The following ANKAR variants were observed in gnomAD, a reference collection of about 807,000 sequenced individuals.
ANKAR encodes ankyrin and armadillo repeat containing, also known as ankyrin and armadillo repeat-containing protein.
In ANKAR, 136 loss-of-function variants were observed where a neutral mutation model predicts 146.2. That is an observed-to-expected ratio of 0.93 (90% CI 0.81 to 1.07). The LOEUF is 1.07. Ranked by LOEUF, ANKAR falls within the 50% of genes least tolerant of loss-of-function variation. The probability of loss-of-function intolerance (pLI) is 0.00; values close to 1 mark genes in which losing one functional copy is unlikely to be tolerated. For synonymous variants in ANKAR, 500 were observed against 575.8 expected (o/e 0.87, Z 1.88); for missense variants, 1,567 against 1,679.9 (o/e 0.93, Z 1.18).
chr2:189,754,120 C>T (rs2045710245), intron 18 of ANKAR: 7 of 1,612,200 alleles, frequency 4.3e-6, no homozygotes, highest in Non-Finnish European at 5.9e-6. Context: ...ATCTGTTCAA[C>T]TTTACTAATT....
At chr2:189,713,477 G>T (rs2039987273) in intron 10 of ANKAR, among the ~76,000 whole-genome samples, 1 of 152,136 alleles carries the variant, frequency 6.6e-6, no homozygotes, top group South Asian at 2.1e-4. Flanking sequence ...CATTCTTAAA[G>T]AATTTTCAAC....
rs1439452129 is a variant in ANKAR at position 189,737,665 on chromosome 2, T to A, written c.3424-18T>A. The A allele has an allele frequency of 3.2e-6, 5 of 1,576,592 alleles. No individual in the cohort carries two copies. The highest frequency in any genetic ancestry group is 4.3e-6 in the Non-Finnish European group (5 of 1,169,554). Reference sequence around the variant, plus strand: ...GATAAATGAAGTTCACCATAATGCCTGTTTCTCCTATTTTTAGGATATTTG... The same window carrying A: ...GATAAATGAAGTTCACCATAATGCCAGTTTCTCCTATTTTTAGGATATTTG... On this transcript the variant is annotated intron_variant, in intron 17 of 22. Transcript: ENST00000684021.
chr2:189,721,676 C>A (rs1240027209), intron 12 of ANKAR, among the ~76,000 whole-genome samples: 1 of 152,190 alleles, frequency 6.6e-6, no homozygotes, highest in Non-Finnish European at 1.5e-5. Flanking sequence ...AGAATAATTT[C>A]ATTCCAGTTA....
At chr2:189,745,025 T>TATGGTGAA in intron 22 of ANKAR, among the ~76,000 whole-genome samples, 1 of 130,690 alleles carries the variant, frequency 7.7e-6, no homozygotes, top group Non-Finnish European at 1.7e-5. Context: ...CTACTACTAC[T>TATGGTGAA]ACTAATAATA....
At chr2:189,745,034 T>TAATAATAATAATAATAAA (rs1553537068) in intron 22 of ANKAR, among the ~76,000 whole-genome samples, 1 of 150,716 alleles carries the variant, frequency 6.6e-6, no homozygotes, top group Non-Finnish European at 1.5e-5. Flanking sequence ...CTACTAATAA[T>TAATAATAATAATAATAAA]ACAAAAATTA....
At chr2:189,730,691 A>T in intron 16 of ANKAR, 90 bp downstream of exon 16, 1 of 569,260 alleles carries the variant, frequency 1.8e-6, no homozygotes, top group Non-Finnish European at 2.8e-6. Context: ...GTTCATAAAC[A>T]TAAAAATATT....
chr2:189,684,565 A>G (rs1319044138), intron 2 of ANKAR, among the ~76,000 whole-genome samples: 1 of 152,122 alleles, frequency 6.6e-6, no homozygotes, highest in Admixed American at 6.6e-5. Context: ...ATAGAATATA[A>G]GGGAATTGGT....
At chr2:189,724,173 T>A (rs894074573) in intron 12 of ANKAR, among the ~76,000 whole-genome samples, 1 of 152,166 alleles carries the variant, frequency 6.6e-6, no homozygotes, top group Admixed American at 6.5e-5. Context: ...AATTTCTACT[T>A]TTTGTACTGA....
rs189527311 is a variant in ANKAR, at chr2:189,726,905, A to G, written c.2636-951A>G. ...TGGATAGAAAAACCAATATGGCAATATATTAAAAATTTATAAATCCAGGTA... is the reference window on the plus strand; with the variant it reads ...TGGATAGAAAAACCAATATGGCAATGTATTAAAAATTTATAAATCCAGGTA... On this transcript the variant is annotated intron_variant, in intron 12 of 22. Transcript: ENST00000684021. Among the ~76,000 whole-genome samples the G allele has an allele frequency of 4.6e-3, 696 of 152,314 alleles. 4 individuals carry two copies. Among genetic ancestry groups the G allele is most frequent in the African/African-American group, 0.016 (653 of 41,582 alleles).
rs773662727 is a variant in ANKAR, at chr2:189,719,614, T to TA, written c.2271dup (p.Leu758ThrfsTer11). 1 of 1,613,422 alleles carries TA rather than the reference T, an allele frequency of 6.2e-7. No homozygotes were observed. The highest frequency in any genetic ancestry group is 1.1e-5 in the South Asian group (1 of 91,022). Reference sequence around the variant, plus strand: ...ATCAATCTATTAAAAAGTTCCAAAATAAAACTGCAGTGCAAAACTGTTGGG... The same window carrying TA: ...ATCAATCTATTAAAAAGTTCCAAAATAAAAACTGCAGTGCAAAACTGTTGGG... On this transcript the variant is annotated frameshift_variant, in exon 11 of 23. Coordinates refer to ENST00000684021, the MANE Select transcript of ANKAR (RefSeq NM_001378068.1). LOFTEE classifies it high-confidence loss of function.
In ANKAR at chr2:189,706,984, G is replaced by A; in HGVS notation, c.1957G>A (p.Asp653Asn). 6 of 1,613,474 alleles carry A rather than the reference G, an allele frequency of 3.7e-6. No homozygotes were observed. The highest frequency in any genetic ancestry group is 5.1e-6 in the Non-Finnish European group (6 of 1,179,710). Reference protein sequence around the residue: ...LLLAATSGALDTIQYLFSIGA... With the variant: ...LLLAATSGALNTIQYLFSIGA... ...ACTTGCTGCCACTTCAGGAGCACTG[G>A]ACACTATTCAATACCTGTTTTCTAT... The change falls in exon 9 of 23, where the codon GAC (aspartate) becomes AAC (asparagine). Residue 653 changes from aspartate to asparagine, a missense_variant. Transcript: ENST00000684021.
At chr2:189,702,249 T>C (rs182314252) in intron 7 of ANKAR, among the ~76,000 whole-genome samples, 12 of 152,248 alleles carry the variant, frequency 7.9e-5, no homozygotes, top group African/African-American at 2.9e-4. Context: ...AAATGGTTCC[T>C]TTTCTCCCTC....
downstream of ANKAR, among the ~76,000 whole-genome samples, chr2:189,749,042 C>G (rs1418174572): frequency 6.6e-6 from 1 of 151,802 alleles, no homozygotes; most frequent in Non-Finnish European, 1.5e-5. Context: ...GTCAGGAGTT[C>G]GAGACCAGCC....
chr2:189,745,190 CAA>C (rs527874516), intron 22 of ANKAR, among the ~76,000 whole-genome samples: 1 of 146,146 alleles, frequency 6.8e-6, no homozygotes, highest in Admixed American at 6.8e-5. Context: ...GACTCTGTCT[CAA>C]AAAAAAAAGT....
chr2:189,687,906 G>C (rs1455431419), intron 2 of ANKAR, among the ~76,000 whole-genome samples: 1 of 152,120 alleles, frequency 6.6e-6, no homozygotes, highest in Non-Finnish European at 1.5e-5. Flanking sequence ...CCCATTCTGT[G>C]GGTTGTCTCT....
intron 10 of ANKAR, among the ~76,000 whole-genome samples, chr2:189,717,999 A>G (rs892571182): frequency 6.6e-6 from 1 of 152,198 alleles, no homozygotes; most frequent in Non-Finnish European, 1.5e-5. Flanking sequence ...TGACAAGTTA[A>G]TGGGTGCAGC....
rs116660656 is a variant in ANKAR at position 189,705,182 on chromosome 2, G to A, written c.1868G>A (p.Cys623Tyr). The change falls in exon 8 of 23, where the codon TGT becomes TAT. Residue 623 changes from cysteine to tyrosine, a missense_variant. Cys to Tyr is a radical substitution (Grantham distance 194). Transcript: ENST00000684021. ...YDNVCIIIALCRKDPSLLEAE... is the reference protein window; with the variant it reads ...YDNVCIIIALYRKDPSLLEAE... ...AACGTTTGCATCATTATTGCTCTCT[G>A]TAGGAAGGATCCTAGTTTGCTAGAA... The A allele has an allele frequency of 0.02, 32,973 of 1,614,064 alleles. 424 individuals are homozygous for A. The highest frequency in any genetic ancestry group is 0.023 in the Non-Finnish European group (27,400 of 1,179,986).
intron 2 of ANKAR, among the ~76,000 whole-genome samples, chr2:189,679,689 T>C (rs192432127): frequency 1.4e-4 from 22 of 152,350 alleles, no homozygotes; most frequent in Admixed American, 2.6e-4. Flanking sequence ...CTGGATTTTG[T>C]CAAATGCTTT....
chr2:189,733,888 A>C (rs1325967518), intron 17 of ANKAR, among the ~76,000 whole-genome samples: 1 of 151,862 alleles, frequency 6.6e-6, no homozygotes, highest in African/African-American at 2.4e-5. Flanking sequence ...ATTACATCTA[A>C]ATGTCTTGTC....
Sources: allele counts gnomAD v4.1 joint callset (sites outside exome capture counted in the v4.1 genomes callset), GRCh38; gene constraint gnomAD v4.1.1; transcripts MANE v1.5; gene names NCBI Gene and HGNC (gene_info 2026-07-23, HGNC 2026-07-21).